The following ABCD2 variants were observed in gnomAD, a reference collection of about 807,000 sequenced individuals.
ABCD2 encodes the protein ATP-binding cassette sub-family D member 2.
ABCD2 carries 36 observed loss-of-function variants against 70.9 expected under a neutral mutation model. The ratio of observed to expected loss-of-function variants is 0.51; its 90% CI spans 0.39 to 0.67. The LOEUF (loss-of-function observed/expected upper bound fraction) is 0.67. Ranked by LOEUF, ABCD2 falls within the 30% of genes least tolerant of loss-of-function variation. The pLI is 0.00. For synonymous variants in ABCD2, 304 were observed against 306.9 expected (o/e 0.99, Z 0.10); for missense variants, 729 against 890.2 (o/e 0.82, Z 2.30).
chr12:39,548,931 T>C (rs1437085411), downstream of ABCD2, among the ~76,000 whole-genome samples: 1 of 152,022 alleles, frequency 6.6e-6, no homozygotes, highest in Non-Finnish European at 1.5e-5. Flanking sequence ...CTTTAAATAT[T>C]ATTAACTTTG....
intron 6 of ABCD2, among the ~76,000 whole-genome samples, chr12:39,594,893 G>A (rs901660459): frequency 5.9e-5 from 9 of 152,094 alleles, no homozygotes; most frequent in Non-Finnish European, 1.2e-4. Flanking sequence ...ATAATCACTT[G>A]AGGCCAGGAG....
intron 9 of ABCD2, among the ~76,000 whole-genome samples, chr12:39,561,795 CAAGA>C (rs1329924761): frequency 6.6e-6 from 1 of 152,066 alleles, no homozygotes; most frequent in South Asian, 2.1e-4. Context: ...GACAGAAAAT[CAAGA>C]AAGAAACACC....
chr12:39,619,185 A>G lies in ABCD2; in HGVS notation c.431T>C (p.Ile144Thr), dbSNP rs1942158168. The G allele has an allele frequency of 1.9e-6, 3 of 1,614,210 alleles. No individual in the cohort carries two copies. The highest frequency in any genetic ancestry group is 2.5e-6 in the Non-Finnish European group (3 of 1,180,040). ...SIVEKKPRTF[I>T]IKLIKWLMIA... is the part of the protein sequence containing the mutation. ...CATAAGCCACTTGATTAATTTGATG[A>G]TGAAAGTCCGAGGCTTCTTTTCCAC... The change falls in exon 1 of 10, where the codon ATC (isoleucine) becomes ACC (threonine). Residue 144 changes from isoleucine to threonine, a missense_variant. Physicochemically the swap from Ile to Thr is moderately conservative, Grantham distance 89. This residue lies in a region of ABCD2 where 245 missense variants were observed against 261.2 expected (regional missense o/e 0.94). Transcript: ENST00000308666.
the ABCD2 span, among the ~76,000 whole-genome samples, chr12:39,534,735 G>A: frequency 5.2e-5 from 5 of 97,054 alleles, no homozygotes; most frequent in South Asian, 3.4e-4. Flanking sequence ...AGGAAAAGAA[G>A]GAAGGAAGGA....
downstream of ABCD2, among the ~76,000 whole-genome samples, chr12:39,547,276 G>T (rs1052328219): frequency 6.6e-6 from 1 of 151,928 alleles, no homozygotes. Flanking sequence ...GGAAAAACAG[G>T]ATGGAGATTC....
At chr12:39,578,763 A>C (rs1941556342) in intron 8 of ABCD2, among the ~76,000 whole-genome samples, 1 of 151,754 alleles carries the variant, frequency 6.6e-6, no homozygotes, top group Admixed American at 6.6e-5. Context: ...CCCTTTTTCC[A>C]TTGGCTATGG....
At chr12:39,559,498 C>A (rs561910874) in intron 9 of ABCD2, among the ~76,000 whole-genome samples, 1 of 150,860 alleles carries the variant, frequency 6.6e-6, no homozygotes, top group East Asian at 2.0e-4. Context: ...ATTTCAAAAT[C>A]TGGAGACATA....
Position 39,619,239 on chromosome 12 carries a change from C to A in ABCD2, c.377G>T (p.Gly126Val). The change falls in exon 1 of 10, where the codon GGT becomes GTT. Residue 126 changes from glycine (G) to valine (V), a missense_variant. Gly to Val is a moderately radical substitution (Grantham distance 109, BLOSUM62 -3). Transcript: ENST00000308666. ...SRTFLSIYVA[G>V]LDGKIVKSIV... Reference sequence around the variant, plus strand: ...GCTTTTCACGATTTTTCCATCCAGACCAGCCACATAGATAGAAAGAAAGGT... The same window carrying A: ...GCTTTTCACGATTTTTCCATCCAGAACAGCCACATAGATAGAAAGAAAGGT... The A allele has an allele frequency of 2.5e-6, 4 of 1,614,100 alleles. No individual in the cohort carries two copies. Among genetic ancestry groups the A allele is most frequent in the Non-Finnish European group, 3.4e-6 (4 of 1,180,024 alleles).
chr12:39,549,158 T>C (rs1210257433), downstream of ABCD2, among the ~76,000 whole-genome samples: 1 of 151,922 alleles, frequency 6.6e-6, no homozygotes, highest in African/African-American at 2.4e-5. Context: ...AAGGATGATA[T>C]AGTCCTAAGG....
chr12:39,544,298 T>G, the ABCD2 span, among the ~76,000 whole-genome samples: 1 of 151,724 alleles, frequency 6.6e-6, no homozygotes, highest in African/African-American at 2.4e-5. Context: ...AAGTGCAGGG[T>G]CTGCAAAATA....
chr12:39,597,152 A>G (rs951259436), intron 6 of ABCD2, among the ~76,000 whole-genome samples: 2 of 152,180 alleles, frequency 1.3e-5, no homozygotes, highest in Non-Finnish European at 2.9e-5. Context: ...AGTACAAAAG[A>G]AAGCAAGATT....
At chr12:39,541,613 A>C in the ABCD2 span, among the ~76,000 whole-genome samples, 1 of 152,240 alleles carries the variant, frequency 6.6e-6, no homozygotes, top group Non-Finnish European at 1.5e-5. Context: ...TTAGATTTGC[A>C]GTGGGAAAAG....
chr12:39,604,088 G>A (rs2120727262), intron 4 of ABCD2, 82 bp from the exon 5 acceptor site: 5 of 888,052 alleles, frequency 5.6e-6, no homozygotes, highest in African/African-American at 1.7e-5. Flanking sequence ...CAGTATAACA[G>A]GTAATTTCAA....
chr12:39,554,199 T>C, intron 9 of ABCD2, 68 bp from the exon 10 acceptor site: 1 of 1,466,448 alleles, frequency 6.8e-7, no homozygotes, highest in Non-Finnish European at 9.2e-7. Context: ...TGTAGGTTTA[T>C]CATTCAAATT....
At chr12:39,555,313 TCTTTTA>T (rs1301111667) in intron 9 of ABCD2, among the ~76,000 whole-genome samples, 2 of 152,190 alleles carry the variant, frequency 1.3e-5, no homozygotes, top group East Asian at 1.9e-4. Context: ...GTGACTGACT[TCTTTTA>T]CTTATACAAA....
chr12:39,594,209 T>C (rs936204427), intron 6 of ABCD2, among the ~76,000 whole-genome samples: 4 of 152,114 alleles, frequency 2.6e-5, no homozygotes, highest in African/African-American at 9.7e-5. Flanking sequence ...GCAAAATGAC[T>C]TTAGGGTAAG....
At chr12:39,540,757 C>T in the ABCD2 span, among the ~76,000 whole-genome samples, 1 of 152,226 alleles carries the variant, frequency 6.6e-6, no homozygotes, top group South Asian at 2.1e-4. Flanking sequence ...CAATTGTCAA[C>T]CAGAAAATGT....
At chr12:39,568,526 G>C (rs11172644) in intron 9 of ABCD2, among the ~76,000 whole-genome samples, 1 of 151,994 alleles carries the variant, frequency 6.6e-6, no homozygotes, top group Non-Finnish European at 1.5e-5. Flanking sequence ...CTAGCCATTC[G>C]TCTAATTTTT....
chr12:39,562,517 C>A (rs546352050), intron 9 of ABCD2, among the ~76,000 whole-genome samples: 48 of 151,978 alleles, frequency 3.2e-4, no homozygotes, highest in Admixed American at 1.1e-3. Flanking sequence ...ATAATTAATA[C>A]TACAGAAATA....
Sources: gnomAD v4.1 joint callset for allele counts (sites outside exome capture counted in the v4.1 genomes callset) on GRCh38, gnomAD v4.1.1 for gene constraint, gnomAD v4.1.1 regional missense constraint, MANE v1.5 for transcripts, NCBI Gene and HGNC (gene_info 2026-07-23, HGNC 2026-07-21) for gene names.